Variants in AK6 observed in about 807,000 individuals in gnomAD.
The protein encoded by AK6 is adenylate kinase 6.
Under a neutral mutation model 23.7 loss-of-function variants are expected in AK6, and 24 were observed. The ratio of observed to expected loss-of-function variants is 1.01; its 90% CI spans 0.73 to 1.43. The LOEUF (loss-of-function observed/expected upper bound fraction) is 1.43. Ranked by LOEUF, AK6 falls within the 40% of genes most tolerant of loss-of-function variation. AK6 has a pLI of 0.00. For missense variants in AK6, 191 were observed against 199.1 expected, an observed-to-expected ratio of 0.96 and a Z score of 0.24; for synonymous variants, 73 against 69.8, an observed-to-expected ratio of 1.05 and a Z score of -0.23.
intron 2 of AK6, among the ~76,000 whole-genome samples, chr5:69,356,343 A>T (rs957729819): frequency 2.0e-5 from 3 of 152,104 alleles, no homozygotes; most frequent in African/African-American, 7.2e-5. Flanking sequence ...ATACATTTAA[A>T]AGCAGATTAA....
intron 2 of AK6, among the ~76,000 whole-genome samples, chr5:69,361,295 G>A (rs898282264): frequency 1.3e-5 from 2 of 152,064 alleles, no homozygotes; most frequent in East Asian, 1.9e-4. Flanking sequence ...CTAATTTTTT[G>A]TATTTTTAGT....
Position 69,364,998 on chromosome 5 carries a change from TTTC to T in AK6, c.121+1502_121+1504del, listed in dbSNP as rs1333277482. The T allele has an allele frequency of 3.7e-6, 6 of 1,614,024 alleles. No individual in the cohort carries two copies. In the African/African-American group the frequency reaches 4.0e-5, roughly 11 times the overall value. ...ATCGTCATCATCATCATCTTCACGT[TTTC>T]TTTTCAATGCATTTGATGATTCATT... On this transcript the variant is annotated intron_variant, in intron 2 of 4. Transcript: ENST00000380822.
intron 2 of AK6, among the ~76,000 whole-genome samples, chr5:69,359,825 A>G (rs1762181916): frequency 6.6e-6 from 1 of 152,232 alleles, no homozygotes; most frequent in Non-Finnish European, 1.5e-5. Context: ...AGAACAAGAA[A>G]TTAACTGGTT....
intron 2 of AK6, among the ~76,000 whole-genome samples, chr5:69,358,152 T>C (rs1291025653): frequency 6.6e-6 from 1 of 152,178 alleles, no homozygotes; most frequent in Non-Finnish European, 1.5e-5. Context: ...AGAATACCTA[T>C]AGCTGATTCT....
chr5:69,366,357 T>C (rs1463222168), intron 2 of AK6, 146 bp downstream of exon 2: 1 of 637,358 alleles, frequency 1.6e-6, no homozygotes, highest in East Asian at 2.7e-5. Context: ...AGACACTTAA[T>C]ATTTCTGTGG....
intron 1 of AK6, among the ~76,000 whole-genome samples, chr5:69,368,259 A>G (rs1762593090): frequency 6.6e-6 from 1 of 152,166 alleles, no homozygotes; most frequent in African/African-American, 2.4e-5. Flanking sequence ...CCCTTCTGAT[A>G]CCTATTAAAA....
chr5:69,368,170 C>T (rs6859039), intron 1 of AK6, among the ~76,000 whole-genome samples: 35 of 151,448 alleles, frequency 2.3e-4, no homozygotes, highest in African/African-American at 8.4e-4. Flanking sequence ...CATATATGTA[C>T]ATACTCTTTG....
intron 2 of AK6, among the ~76,000 whole-genome samples, chr5:69,364,360 A>T (rs1435278446): frequency 2.0e-5 from 3 of 151,938 alleles, no homozygotes; most frequent in Non-Finnish European, 4.4e-5. Flanking sequence ...ATTTTTTTTT[A>T]AAAAGTGGAG....
intron 2 of AK6, among the ~76,000 whole-genome samples, chr5:69,358,881 T>G (rs1204612405): frequency 6.6e-6 from 1 of 152,194 alleles, no homozygotes; most frequent in East Asian, 1.9e-4. Context: ...AACAAAGTTT[T>G]GCAGTTTATT....
chr5:69,365,030 A>T (rs1561219860), intron 2 of AK6: 1 of 1,614,156 alleles, frequency 6.2e-7, no homozygotes, highest in Non-Finnish European at 8.5e-7. Context: ...ATTCATTGGC[A>T]GTATTTTGTG....
rs751116357 is a variant in AK6, at chr5:69,355,947, A to G, written c.128T>C (p.Leu43Ser). 1 of 1,603,680 alleles carries G rather than the reference A, an allele frequency of 6.2e-7. No homozygotes were observed. Among genetic ancestry groups the G allele is most frequent in the Non-Finnish European group, 8.5e-7 (1 of 1,177,208 alleles). Residue 43 changes from leucine to serine, a missense_variant, in exon 3 of 5, where the codon TTG becomes TCG. Leu to Ser is a moderately radical substitution (Grantham distance 145, BLOSUM62 -2). Transcript: ENST00000380822. Reference sequence around the variant, plus strand: ...ATACTCTTCATCATAGCCATCATACAATTGCTCTAAAAGAGATTTAGAATT... The same window carrying G: ...ATACTCTTCATCATAGCCATCATACGATTGCTCTAAAAGAGATTTAGAATT... ...NVGDLAREEQ[L>S]YDGYDEEYDC...
chr5:69,367,176 A>G (rs1762467241), intron 1 of AK6, among the ~76,000 whole-genome samples: 1 of 152,110 alleles, frequency 6.6e-6, no homozygotes, highest in African/African-American at 2.4e-5. Context: ...TCTGACGCCA[A>G]TTCAAACTGC....
chr5:69,363,085 C>T (rs960342737), intron 2 of AK6, among the ~76,000 whole-genome samples: 21 of 152,078 alleles, frequency 1.4e-4, no homozygotes, highest in East Asian at 1.9e-4. Context: ...TAAGTTAGCC[C>T]GGCAGGATGG....
intron 1 of AK6, 96 bp downstream of exon 1, chr5:69,369,367 G>A (rs2150749509): frequency 7.1e-7 from 1 of 1,411,172 alleles, no homozygotes; most frequent in East Asian, 2.5e-5. Context: ...CCTCTGAAGA[G>A]GGCAGTGAGG....
At chr5:69,359,018 A>C (rs1377050953) in intron 2 of AK6, among the ~76,000 whole-genome samples, 3 of 151,326 alleles carry the variant, frequency 2.0e-5, no homozygotes, top group African/African-American at 7.3e-5. Flanking sequence ...AGGTGGGAGG[A>C]TCTCTTGAGC....
intron 4 of AK6, among the ~76,000 whole-genome samples, chr5:69,355,325 A>G (rs1762053909): frequency 6.6e-6 from 1 of 152,054 alleles, no homozygotes; most frequent in Non-Finnish European, 1.5e-5. Context: ...CTGGAGCCCA[A>G]GAGTTCGAGA....
Position 69,352,244 on chromosome 5 carries a change from A to G in AK6, c.336T>C (p.Asn112=). Residue 112 remains asparagine, a synonymous_variant, in exon 5 of 5, where the codon AAT becomes AAC. Transcript: ENST00000380822. ...GAATATTGTCTGTTAGTTTCTTCTC[A>G]TTATAACCCCTAGAAGGCAGGGAGG... ...LYERLETRGY[N]EKKLTDNIQC... 1 of 1,612,578 alleles carries G rather than the reference A, an allele frequency of 6.2e-7. No homozygotes were observed. The highest frequency in any genetic ancestry group is 8.5e-7 in the Non-Finnish European group (1 of 1,179,196).
At chr5:69,357,439 T>A (rs1185040477) in intron 2 of AK6, among the ~76,000 whole-genome samples, 1 of 152,154 alleles carries the variant, frequency 6.6e-6, no homozygotes, top group East Asian at 1.9e-4. Context: ...TTCATTTGAG[T>A]TTGTTGAGTA....
intron 2 of AK6, 89 bp from the exon 3 acceptor site, chr5:69,356,042 G>A (rs976872154): frequency 1.8e-6 from 2 of 1,106,234 alleles, no homozygotes; most frequent in Non-Finnish European, 2.6e-6. Flanking sequence ...GAAAGGAAAT[G>A]TATCATCAAT....
Sources: gnomAD v4.1 joint callset for allele counts (sites outside exome capture counted in the v4.1 genomes callset) on GRCh38, gnomAD v4.1.1 for gene constraint, MANE v1.5 for transcripts, NCBI Gene and HGNC (gene_info 2026-07-23, HGNC 2026-07-21) for gene names.